Variants in ODF2L observed in about 807,000 individuals in gnomAD.
ODF2L encodes protein BCAP.
ODF2L carries 76 observed loss-of-function variants against 86.3 expected under a neutral mutation model. That is an observed-to-expected ratio of 0.88 (90% CI 0.73 to 1.07). The LOEUF (loss-of-function observed/expected upper bound fraction) is 1.07. Among genes scored for constraint, ODF2L ranks in the 50% least tolerant of loss-of-function variants. ODF2L has a pLI of 0.00. For synonymous variants in ODF2L, 241 were observed against 231.3 expected, an observed-to-expected ratio of 1.04 and a Z score of -0.38; for missense variants, 748 against 717.4, an observed-to-expected ratio of 1.04 and a Z score of -0.49.
Position 86,356,604 on chromosome 1 carries a change from T to C in ODF2L, c.1360-2A>G. The C allele has an allele frequency of 6.2e-7, 1 of 1,611,794 alleles. No homozygotes were observed. Among genetic ancestry groups the C allele is most frequent in the Non-Finnish European group, 8.5e-7 (1 of 1,178,686 alleles). ...ATGAGACTCCATCTGGCCTCTCATC[T>C]GAGTTGTGGCAGTAGGGAAATAAGT... On this transcript the variant is annotated splice_acceptor_variant, in intron 13 of 17. Coordinates refer to ENST00000317336, the Ensembl canonical transcript of ODF2L. LOFTEE classifies it high-confidence loss of function.
chr1:86,380,962 A>AC (rs1558049868), intron 7 of ODF2L, among the ~76,000 whole-genome samples: 1 of 151,772 alleles, frequency 6.6e-6, no homozygotes, highest in East Asian at 1.9e-4. Context: ...CTCAAAAAAA[A>AC]AACAACACAA....
intron 13 of ODF2L, chr1:86,357,616 C>A (rs747980976): frequency 9.6e-4 from 171 of 178,258 alleles, no homozygotes; most frequent in African/African-American, 4.3e-3. Flanking sequence ...AAAAAAAAAA[C>A]AGACTGAAAA....
chr1:86,375,022 G>GA (rs1320982011), intron 8 of ODF2L: 2 of 151,818 alleles, frequency 1.3e-5, no homozygotes, highest in Admixed American at 1.3e-4. Context: ...AGTGATAAAT[G>GA]AAAAAATAAA....
chr1:86,363,965 C>CA (rs1374501330), intron 11 of ODF2L, among the ~76,000 whole-genome samples: 5 of 151,162 alleles, frequency 3.3e-5, no homozygotes, highest in South Asian at 2.1e-4. Context: ...ATCTAGGCTG[C>CA]AAAAAAAACT....
At chr1:86,350,561 T>C (rs1001018030) in exon 18 of ODF2L, 4 of 152,242 alleles carry the variant, frequency 2.6e-5, no homozygotes, top group African/African-American at 9.6e-5. Context: ...ACAATAAATA[T>C]ACGTGTGCAT....
chr1:86,366,193 G>A (rs1465682075), intron 11 of ODF2L, among the ~76,000 whole-genome samples: 1 of 151,896 alleles, frequency 6.6e-6, no homozygotes, highest in African/African-American at 2.4e-5. Flanking sequence ...ATTTTTAAAT[G>A]TCACCAGACT....
At chr1:86,355,468 T>A in intron 14 of ODF2L, 1 of 724,506 alleles carries the variant, frequency 1.4e-6, no homozygotes, top group East Asian at 2.7e-5. Flanking sequence ...CTAATCTATG[T>A]CGTTTGACAT....
intron 11 of ODF2L, among the ~76,000 whole-genome samples, chr1:86,364,633 G>C (rs1441030173): frequency 6.6e-6 from 1 of 152,106 alleles, no homozygotes; most frequent in Non-Finnish European, 1.5e-5. Context: ...ATTTTGGGGA[G>C]GCTCCTTAAA....
exon 18 of ODF2L, chr1:86,350,989 A>T (rs917695537): frequency 2.0e-5 from 3 of 151,962 alleles, no homozygotes; most frequent in Non-Finnish European, 2.9e-5. Flanking sequence ...GATTCTGGAT[A>T]TTGGCCCTTT....
chr1:86,373,296 T>G (rs35408727), intron 8 of ODF2L, among the ~76,000 whole-genome samples: 5,669 of 150,496 alleles, frequency 0.038, 173 homozygotes, highest in African/African-American at 0.079. Flanking sequence ...CTTTCCATTT[T>G]ACTTTTTTTT....
intron 14 of ODF2L, chr1:86,355,525 TG>T: frequency 1.6e-6 from 1 of 619,046 alleles, no homozygotes; most frequent in Non-Finnish European, 2.9e-6. Flanking sequence ...AAATTTTGTC[TG>T]CATATTTTTA....
At chr1:86,373,353 T>C (rs765008007) in intron 8 of ODF2L, among the ~76,000 whole-genome samples, 36 of 150,806 alleles carry the variant, frequency 2.4e-4, no homozygotes, top group Non-Finnish European at 4.7e-4. Flanking sequence ...GATGGTTCAC[T>C]GCAGCCTCCA....
chr1:86,379,539 T>C (rs1660420068), intron 7 of ODF2L, among the ~76,000 whole-genome samples: 1 of 152,188 alleles, frequency 6.6e-6, no homozygotes. Context: ...TATGTACCAA[T>C]GTTCAAAGGA....
intron 7 of ODF2L, among the ~76,000 whole-genome samples, chr1:86,378,162 A>C (rs1429909078): frequency 6.6e-6 from 1 of 152,182 alleles, no homozygotes; most frequent in Non-Finnish European, 1.5e-5. Context: ...TCAAGTTCAA[A>C]GTTCACAGAT....
chr1:86,378,506 C>T (rs1485807731), intron 7 of ODF2L, among the ~76,000 whole-genome samples: 2 of 152,214 alleles, frequency 1.3e-5, no homozygotes, highest in Non-Finnish European at 2.9e-5. Flanking sequence ...AGTCCATTCT[C>T]ACGCTGCTAT....
At chr1:86,390,489 C>CA (rs1014466800) in intron 1 of ODF2L, among the ~76,000 whole-genome samples, 1 of 152,118 alleles carries the variant, frequency 6.6e-6, no homozygotes, top group Non-Finnish European at 1.5e-5. Flanking sequence ...CCACCATGAT[C>CA]AAGCAGGTTT....
chr1:86,374,876 T>G (rs1660062796), intron 8 of ODF2L: 1 of 152,190 alleles, frequency 6.6e-6, no homozygotes, highest in African/African-American at 2.4e-5. Flanking sequence ...TGCTGAACTG[T>G]TCATATTTTA....
intron 12 of ODF2L, 142 bp from the exon 12 acceptor site, chr1:86,359,033 T>C (rs1658806265): frequency 2.0e-6 from 1 of 490,442 alleles, no homozygotes; most frequent in Admixed American, 3.9e-5. Context: ...TATTACTTCT[T>C]TAAATATGGA....
At chr1:86,383,637 CTATT>C (rs1660735781) in intron 4 of ODF2L, among the ~76,000 whole-genome samples, 1 of 151,674 alleles carries the variant, frequency 6.6e-6, no homozygotes, top group Non-Finnish European at 1.5e-5. Flanking sequence ...TCATAGAAGA[CTATT>C]TACTCATTTT....
Sources: gnomAD v4.1 joint callset for allele counts (sites outside exome capture counted in the v4.1 genomes callset) on GRCh38, gnomAD v4.1.1 for gene constraint, MANE v1.5 for transcripts, NCBI Gene and HGNC (gene_info 2026-07-23, HGNC 2026-07-21) for gene names.